Variants in MEI1 observed in about 807,000 individuals in gnomAD.
The protein encoded by MEI1 is meiosis inhibitor protein 1.
Under a neutral mutation model 146.2 loss-of-function variants are expected in MEI1, and 103 were observed. The observed-to-expected ratio is 0.70, with a 90% CI of 0.60 to 0.83. The LOEUF (loss-of-function observed/expected upper bound fraction) is 0.83. Among genes scored for constraint, MEI1 ranks in the 40% least tolerant of loss-of-function variants. MEI1 has a pLI of 0.00. For synonymous variants in MEI1, 652 were observed against 628.2 expected, an observed-to-expected ratio of 1.04 and a Z score of -0.57; for missense variants, 1,529 against 1,533.0, an observed-to-expected ratio of 1.00 and a Z score of 0.04.
chr22:41,758,972 G>A (rs1275466270), intron 18 of MEI1, among the ~76,000 whole-genome samples: 2 of 152,062 alleles, frequency 1.3e-5, no homozygotes, highest in African/African-American at 2.4e-5. Context: ...GCGAAACCCT[G>A]TCTCCACAAA....
intron 5 of MEI1, 60 bp downstream of exon 5, chr22:41,716,206 T>G: frequency 8.4e-7 from 1 of 1,191,546 alleles, no homozygotes; most frequent in Admixed American, 2.0e-5. Flanking sequence ...CATACTGCCA[T>G]TTGGGTGTCC....
intron 14 of MEI1, chr22:41,747,356 C>T (rs564308530): frequency 1.3e-5 from 2 of 152,762 alleles, no homozygotes; most frequent in Non-Finnish European, 2.9e-5. Context: ...TGATCACAAC[C>T]AGTTACAGAT....
chr22:41,754,474 C>G (rs1404349465), intron 17 of MEI1, among the ~76,000 whole-genome samples: 1 of 152,070 alleles, frequency 6.6e-6, no homozygotes, highest in African/African-American at 2.4e-5. Context: ...CGCTCTGTTG[C>G]CCAGGCTGGA....
Position 41,718,112 on chromosome 22 carries a change from A to G in MEI1, c.571A>G (p.Ser191Gly). 6.2e-7 allele frequency: 1 copy of G among 1,613,458 alleles called. No homozygotes were observed. The highest frequency in any genetic ancestry group is 8.5e-7 in the Non-Finnish European group (1 of 1,179,862). Residue 191 changes from serine to glycine, a missense_variant, in exon 6 of 31, where the codon AGT becomes GGT. Physicochemically the swap from Ser to Gly is moderately conservative, Grantham distance 56. Transcript: ENST00000401548. The part of the protein sequence containing the change: ...EHLLRGLVYP[S>G]EGIQASVCYL... The stretch of plus-strand genomic sequence containing the variant: ...TCTGTTGAGAGGCTTAGTATACCCC[A>G]GTGAGGGCATACAAGCTTCTGTCTG...
At chr22:41,747,564 C>T (rs1453992790) in intron 14 of MEI1, among the ~76,000 whole-genome samples, 1 of 151,814 alleles carries the variant, frequency 6.6e-6, no homozygotes, top group South Asian at 2.1e-4. Context: ...ATTAGCCGGG[C>T]GTGATGGCGC....
chr22:41,699,627 G>C lies in MEI1; in HGVS notation c.89G>C (p.Arg30Pro), dbSNP rs1026865316. The change falls in exon 1 of 31, where the codon CGG (arginine) becomes CCG (proline). Residue 30 changes from arginine (R) to proline (P), a missense_variant. By Grantham distance (103) the Arg-to-Pro change is moderately radical. Coordinates refer to ENST00000401548, the MANE Select transcript of MEI1 (RefSeq NM_152513.4). Reference sequence around the variant, plus strand: ...CTTCTATTCGAGAGGGCCCATTACCGGCACGACCCGCGCTGGCTGCTGCCC... The same window carrying C: ...CTTCTATTCGAGAGGGCCCATTACCCGCACGACCCGCGCTGGCTGCTGCCC... Reference protein sequence around the residue: ...AALLFERAHYRHDPRWLLPVT... With the variant: ...AALLFERAHYPHDPRWLLPVT... The C allele has an allele frequency of 1.9e-6, 3 of 1,609,736 alleles. No homozygotes were observed. The highest frequency in any genetic ancestry group is 1.1e-5 in the South Asian group (1 of 90,520).
At chr22:41,703,539 G>C (rs1184364531) in intron 2 of MEI1, 85 bp downstream of exon 2, 3 of 1,273,174 alleles carry the variant, frequency 2.4e-6, no homozygotes, top group Non-Finnish European at 2.1e-6. Flanking sequence ...AATGATCTTA[G>C]ATGATTTAGG....
At chr22:41,796,496 A>G (rs1223293509) in intron 30 of MEI1, among the ~76,000 whole-genome samples, 1 of 151,902 alleles carries the variant, frequency 6.6e-6, no homozygotes, top group Non-Finnish European at 1.5e-5. Flanking sequence ...GCCCGGCTAC[A>G]TGCATTATAT....
At chr22:41,752,979 AAGATCAACTTG>A (rs2073868728) in intron 16 of MEI1, among the ~76,000 whole-genome samples, 1 of 151,942 alleles carries the variant, frequency 6.6e-6, no homozygotes, top group African/African-American at 2.4e-5. Context: ...CCAGCAGTTC[AAGATCAACTTG>A]GGCAGCATAG....
Position 41,770,817 on chromosome 22 carries a change from C to T in MEI1, c.2400C>T (p.Val800=). The change falls in exon 20 of 31, where the codon GTC becomes GTT. Residue 800 remains valine, a synonymous_variant. Coordinates refer to ENST00000401548, the MANE Select transcript of MEI1 (RefSeq NM_152513.4). The part of the protein sequence containing the change: ...PELMSRYGHR[V]LELWFFWEES... ...TCATGAGTAGGTATGGGCACCGTGTCCTGGAACTTTGGTTCTTCTGGGAAG... is the reference window on the plus strand; with the variant it reads ...TCATGAGTAGGTATGGGCACCGTGTTCTGGAACTTTGGTTCTTCTGGGAAG... 1 of 1,613,906 alleles carries T rather than the reference C, an allele frequency of 6.2e-7. No individual in the cohort carries two copies. The highest frequency in any genetic ancestry group is 1.1e-5 in the South Asian group (1 of 91,074).
chr22:41,744,019 G>A (rs1434008817), intron 12 of MEI1, among the ~76,000 whole-genome samples: 3 of 151,886 alleles, frequency 2.0e-5, no homozygotes, highest in Non-Finnish European at 4.4e-5. Flanking sequence ...TGGGATTACA[G>A]GCATGCACCA....
chr22:41,704,633 C>T (rs1046567299), intron 2 of MEI1, among the ~76,000 whole-genome samples: 1 of 151,770 alleles, frequency 6.6e-6, no homozygotes, highest in Non-Finnish European at 1.5e-5. Flanking sequence ...AGGCTGGTCT[C>T]GAACTCCCAA....
chr22:41,785,879 ATTTT>A (rs2075956616), intron 26 of MEI1, among the ~76,000 whole-genome samples: 1 of 127,022 alleles, frequency 7.9e-6, no homozygotes, highest in East Asian at 2.2e-4. Context: ...TTATTTTTTT[ATTTT>A]TTTATTTTTT....
intron 18 of MEI1, among the ~76,000 whole-genome samples, chr22:41,759,961 G>T (rs1005333282): frequency 6.0e-4 from 92 of 152,116 alleles, no homozygotes; most frequent in African/African-American, 2.1e-3. Flanking sequence ...ATCACCTGAG[G>T]TCAGGAGTTT....
chr22:41,705,191 TTC>T (rs1491272352), intron 2 of MEI1, among the ~76,000 whole-genome samples: 1 of 151,568 alleles, frequency 6.6e-6, no homozygotes, highest in African/African-American at 2.4e-5. Flanking sequence ...TTTTTTTTTT[TTC>T]TTGAGACAGT....
rs1374067547 is a variant in MEI1, at chr22:41,781,693, G to A, written c.2935G>A (p.Val979Met). 1.2e-6 allele frequency: 2 copies of A among 1,613,206 alleles called. No homozygotes were observed. The change falls in exon 24 of 31, where the codon GTG becomes ATG. Residue 979 changes from valine to methionine, a missense_variant. By Grantham distance (21) the Val-to-Met change is conservative (BLOSUM62 1). Transcript: ENST00000401548. ...TPSSQKRAAA[V>M]LLSSTGLMEL... ...TTGCCCACCCCCGACAGCTGCTGCAGTGCTCCTGAGCAGCACAGGCCTGAT... is the reference window on the plus strand; with the variant it reads ...TTGCCCACCCCCGACAGCTGCTGCAATGCTCCTGAGCAGCACAGGCCTGAT...
At position 41,763,169 on chromosome 22, in the gene MEI1, G is replaced by A; in HGVS notation, c.2121-5G>A. 1 of 1,613,468 alleles carries A rather than the reference G, an allele frequency of 6.2e-7. No individual in the cohort carries two copies. Among genetic ancestry groups the A allele is most frequent in the Non-Finnish European group, 8.5e-7 (1 of 1,179,608 alleles). ...TTTCTCACTCAGGCTTTTCTTGGTT[G>A]ACAGGTTTGTCTCAGAGGCAGAGTT... On this transcript the variant is annotated splice_region_variant and splice_polypyrimidine_tract_variant and intron_variant, in intron 18 of 30. Coordinates refer to ENST00000401548, the MANE Select transcript of MEI1 (RefSeq NM_152513.4).
chr22:41,730,807 C>CA (rs1360321858), intron 9 of MEI1, among the ~76,000 whole-genome samples, 170 bp downstream of exon 9: 1 of 152,054 alleles, frequency 6.6e-6, no homozygotes, highest in East Asian at 1.9e-4. Context: ...TATTGATATC[C>CA]AAATGTTCTG....
chr22:41,720,460 T>C (rs2070667279), intron 6 of MEI1, among the ~76,000 whole-genome samples: 1 of 152,140 alleles, frequency 6.6e-6, no homozygotes, highest in East Asian at 1.9e-4. Flanking sequence ...AGACAGGGTC[T>C]TGTTCTGTCA....
Sources: gnomAD v4.1 joint callset for allele counts (sites outside exome capture counted in the v4.1 genomes callset) on GRCh38, gnomAD v4.1.1 for gene constraint, MANE v1.5 for transcripts, NCBI Gene and HGNC (gene_info 2026-07-23, HGNC 2026-07-21) for gene names.